Variants in ZNF331 observed in about 807,000 individuals in gnomAD.
ZNF331 encodes the protein C2H2-like zinc finger protein rearranged in thyroid adenomas.
Under a neutral mutation model 7.0 loss-of-function variants are expected in ZNF331, and 2 were observed. That is an observed-to-expected ratio of 0.29 (90% CI 0.12 to 0.90). ZNF331 has a LOEUF of 0.90. Among genes scored for constraint, ZNF331 ranks in the 40% least tolerant of loss-of-function variants. ZNF331 has a pLI of 0.58. For missense variants in ZNF331, 432 were observed against 587.7 expected (o/e 0.74, Z 2.74); for synonymous variants, 196 against 205.4 (o/e 0.95, Z 0.39).
Position 53,571,764 on chromosome 19 carries a change from T to G in ZNF331, c.136+34T>G, listed in dbSNP as rs370271606. On this transcript the variant is annotated intron_variant, in intron 5 of 5. Coordinates refer to ENST00000449416, the MANE Select transcript of ZNF331 (RefSeq NM_001079906.2). The surrounding 1 kb of genome is among the most constrained non-coding windows in gnomAD (Gnocchi z 4.7). ...CACGCCTCAGATAACTTAGACTGCC[T>G]CCTGGAATATCCGCTCTCCCCTGTG... The G allele has an allele frequency of 1.8e-4, 278 of 1,572,918 alleles. 1 individual carries two copies. Among genetic ancestry groups the G allele is most frequent in the Non-Finnish European group, 2.2e-4 (255 of 1,159,964 alleles).
chr19:53,506,411 C>CTCTCT, the ZNF331 span, among the ~76,000 whole-genome samples: 1 of 74,412 alleles, frequency 1.3e-5, no homozygotes, highest in African/African-American at 6.4e-5. Context: ...CTCTCTCTCT[C>CTCTCT]CTCTCTCTCT....
At chr19:53,535,164 C>T (rs1000075940), upstream of ZNF331, among the ~76,000 whole-genome samples, 6 of 151,950 alleles carry the variant, frequency 3.9e-5, no homozygotes, top group Admixed American at 6.6e-5. Flanking sequence ...GGTACAAGCT[C>T]GGCTCACTGC....
the ZNF331 span, among the ~76,000 whole-genome samples, chr19:53,506,662 C>T: frequency 1.3e-5 from 2 of 152,086 alleles, no homozygotes; most frequent in African/African-American, 4.8e-5. Context: ...AAGAAACAAA[C>T]TCAACAGACA....
upstream of ZNF331, among the ~76,000 whole-genome samples, chr19:53,517,063 CG>C (rs1290055785): frequency 6.6e-6 from 1 of 152,066 alleles, no homozygotes; most frequent in Non-Finnish European, 1.5e-5. Context: ...CACAGGCACA[CG>C]TGGTAGAGTA....
rs75096260 is a variant in ZNF331, at chr19:53,549,670, T to C, written c.-137-6175T>C. ...ATTCTAACGTTAGAAATCCTATGTA[T>C]GGGAACAGTGGGGACTCTGTCTCAA... On this transcript the variant is annotated intron_variant, in intron 2 of 5. Transcript: ENST00000449416. 3.5e-3 allele frequency among the ~76,000 whole-genome samples: 520 copies of C among 149,172 alleles called. 4 individuals are homozygous for C. Among genetic ancestry groups the C allele is most frequent in the African/African-American group, 0.012 (503 of 40,328 alleles).
At chr19:53,525,194 A>G (rs1052241608) in intron 2 of ZNF331, among the ~76,000 whole-genome samples, 1 of 152,176 alleles carries the variant, frequency 6.6e-6, no homozygotes, top group Non-Finnish European at 1.5e-5. Context: ...GAAGTCAGGT[A>G]GTGTGATGCC....
In ZNF331 at chr19:53,577,916, C is replaced by T. The variant is rs761108689; in HGVS notation, c.1356C>T (p.Asn452=). Residue 452 remains asparagine, a synonymous_variant, in exon 6 of 6, where the codon AAC becomes AAT. Coordinates refer to ENST00000449416, the MANE Select transcript of ZNF331 (RefSeq NM_001079906.2). Reference sequence around the variant, plus strand: ...GCGGGAAGGCATGTAACCACCTAAACCATCTCCGAGAACATCAGAGGATCC... The same window carrying T: ...GCGGGAAGGCATGTAACCACCTAAATCATCTCCGAGAACATCAGAGGATCC... ...KECGKACNHL[N]HLREHQRIHN... 1 of 1,613,568 alleles carries T rather than the reference C, an allele frequency of 6.2e-7. No homozygotes were observed. The highest frequency in any genetic ancestry group is 8.5e-7 in the Non-Finnish European group (1 of 1,179,872).
At chr19:53,543,744 A>G (rs532044741) in intron 2 of ZNF331, among the ~76,000 whole-genome samples, 1 of 152,330 alleles carries the variant, frequency 6.6e-6, no homozygotes, top group South Asian at 2.1e-4. Context: ...AGTTGTAACA[A>G]TCATACCATG....
chr19:53,532,820 GTC>G (rs2087592712), intron 2 of ZNF331, among the ~76,000 whole-genome samples: 2 of 152,188 alleles, frequency 1.3e-5, no homozygotes, highest in East Asian at 3.9e-4. Flanking sequence ...GTTCATTGTA[GTC>G]TCTCACGATT....
upstream of ZNF331, among the ~76,000 whole-genome samples, chr19:53,535,796 G>A (rs372211250): frequency 1.5e-3 from 225 of 149,960 alleles, no homozygotes; most frequent in African/African-American, 5.2e-3. Context: ...AGTTTAAAAT[G>A]TTCACTTTTT....
intron 2 of ZNF331, chr19:53,555,306 T>G (rs1421047202): frequency 7.0e-6 from 1 of 142,888 alleles, no homozygotes; most frequent in Non-Finnish European, 1.5e-5. Context: ...AGCGTCTCTG[T>G]GCTGAGATGG....
intron 2 of ZNF331, among the ~76,000 whole-genome samples, chr19:53,552,076 A>C (rs943043346): frequency 6.6e-6 from 1 of 152,206 alleles, no homozygotes; most frequent in Non-Finnish European, 1.5e-5. Flanking sequence ...TACCCACTAT[A>C]CAAATAACAA....
chr19:53,580,159 A>C lies in ZNF331; in HGVS notation c.*2207A>C, dbSNP rs2090871257. On this transcript the variant is annotated 3_prime_UTR_variant, in exon 6 of 6. Transcript: ENST00000449416. ...GGTGATGGATATGTTAATTAGCTTG[A>C]TTTAATCCTTCCACATTGTATACAT... 4.9e-6 allele frequency: 1 copy of C among 202,964 alleles called. No homozygotes were observed. Among genetic ancestry groups the C allele is most frequent in the African/African-American group, 2.3e-5 (1 of 43,626 alleles). The allele number at this position is 202,964 out of a possible 1,614,324, so 12.6% of individuals were successfully genotyped here. A position where few individuals can be genotyped will look rare whatever the true frequency, so the allele number is the denominator to read the frequency against.
At chr19:53,512,655 C>T in the ZNF331 span, 35 of 150,280 alleles carry the variant, frequency 2.3e-4, no homozygotes, top group African/African-American at 8.2e-4. Context: ...CGGACCGGTC[C>T]CCATGGGTGG....
intron 3 of ZNF331, among the ~76,000 whole-genome samples, chr19:53,557,712 C>CA (rs1406425031): frequency 6.8e-6 from 1 of 148,038 alleles, no homozygotes; most frequent in African/African-American, 2.5e-5. Context: ...CTTGTAATCC[C>CA]AGGACTTTAG....
intron 3 of ZNF331, among the ~76,000 whole-genome samples, chr19:53,564,013 C>T (rs1238869005): frequency 8.5e-6 from 1 of 117,750 alleles, no homozygotes; most frequent in East Asian, 2.6e-4. Context: ...AGCCTGGCGA[C>T]AGAGCGAGAC....
chr19:53,564,132 C>T (rs2090044720), intron 3 of ZNF331, among the ~76,000 whole-genome samples: 2 of 129,308 alleles, frequency 1.5e-5, no homozygotes, highest in South Asian at 5.1e-4. Context: ...GGCTGCAATA[C>T]AGTGGCTATT....
At chr19:53,538,873 A>G (rs960598774) in intron 1 of ZNF331, 1 of 152,426 alleles carries the variant, frequency 6.6e-6, no homozygotes, top group Admixed American at 6.5e-5. Flanking sequence ...TACCTGCCTG[A>G]GAACAAGGGC....
At chr19:53,518,751 G>T (rs1007084562), upstream of ZNF331, among the ~76,000 whole-genome samples, 2 of 152,214 alleles carry the variant, frequency 1.3e-5, no homozygotes, top group African/African-American at 4.8e-5. Flanking sequence ...TCAGTCCAAG[G>T]AGAGTAACAA....
Sources: gnomAD v4.1 joint callset for allele counts (sites outside exome capture counted in the v4.1 genomes callset) on GRCh38, gnomAD v4.1.1 for gene constraint, Gnocchi (gnomAD v3.1) non-coding constraint, MANE v1.5 for transcripts, NCBI Gene and HGNC (gene_info 2026-07-23, HGNC 2026-07-21) for gene names.